Variants in PARD3 observed in about 807,000 individuals in gnomAD.
PARD3 encodes the protein partitioning defective 3 homolog.
A neutral mutation model predicts 155.4 loss-of-function variants in PARD3; 75 were observed. That is an observed-to-expected ratio of 0.48 (90% CI 0.40 to 0.58). PARD3 has a LOEUF of 0.58. Among genes scored for constraint, PARD3 ranks in the 20% least tolerant of loss-of-function variants. The probability of loss-of-function intolerance (pLI) is 0.00; values close to 1 mark genes in which losing one functional copy is unlikely to be tolerated. For missense variants in PARD3, 1,642 were observed against 1,721.7 expected, an observed-to-expected ratio of 0.95 and a Z score of 0.82; for synonymous variants, 576 against 610.5, an observed-to-expected ratio of 0.94 and a Z score of 0.83.
At chr10:34,783,540 C>T (rs1243988755) in intron 1 of PARD3, among the ~76,000 whole-genome samples, 1 of 137,872 alleles carries the variant, frequency 7.3e-6, no homozygotes, top group Admixed American at 8.3e-5. Flanking sequence ...GGAGGCGGAG[C>T]TTGCAGTGAG....
At chr10:34,667,953 A>T (rs1168402001) in intron 2 of PARD3, among the ~76,000 whole-genome samples, 1 of 152,222 alleles carries the variant, frequency 6.6e-6, no homozygotes, top group Non-Finnish European at 1.5e-5. Flanking sequence ...ATGTTCTTAA[A>T]CTAGGGGAAG....
chr10:34,740,998 C>G (rs770786305), intron 1 of PARD3, among the ~76,000 whole-genome samples: 3 of 151,988 alleles, frequency 2.0e-5, no homozygotes, highest in Non-Finnish European at 4.4e-5. Context: ...AATTTGTTTA[C>G]ATAAGACTTT....
At chr10:34,190,309 T>C (rs2133257991) in intron 22 of PARD3, among the ~76,000 whole-genome samples, 1 of 152,322 alleles carries the variant, frequency 6.6e-6, no homozygotes, top group Non-Finnish European at 1.5e-5. Context: ...CTTCCCTTCA[T>C]AAGCCAGACA....
chr10:34,788,670 G>A (rs546087271), intron 1 of PARD3, among the ~76,000 whole-genome samples: 72 of 152,206 alleles, frequency 4.7e-4, no homozygotes, highest in African/African-American at 1.6e-3. Flanking sequence ...GGACGGTCTC[G>A]ATCTCTTGTA....
chr10:34,678,562 C>T (rs577532453), intron 2 of PARD3, among the ~76,000 whole-genome samples: 30 of 152,008 alleles, frequency 2.0e-4, no homozygotes, highest in South Asian at 4.2e-4. Context: ...AGATTCCATA[C>T]GAGTAATAAG....
At chr10:34,114,930 T>C (rs1438127756) in intron 24 of PARD3, among the ~76,000 whole-genome samples, 1 of 152,214 alleles carries the variant, frequency 6.6e-6, no homozygotes, top group Non-Finnish European at 1.5e-5. Flanking sequence ...CCCCTGGACA[T>C]TGCTAAATCC....
chr10:34,327,285 C>T (rs764664115), intron 19 of PARD3, among the ~76,000 whole-genome samples: 6 of 152,158 alleles, frequency 3.9e-5, no homozygotes, highest in East Asian at 1.9e-4. Context: ...TCCAGACAGA[C>T]GCACACAACA....
chr10:34,280,262 A>T (rs1253656113), intron 21 of PARD3, among the ~76,000 whole-genome samples: 1 of 152,248 alleles, frequency 6.6e-6, no homozygotes, highest in Non-Finnish European at 1.5e-5. Context: ...ATGCATAAAA[A>T]TGCAAAATAA....
At chr10:34,375,053 AACACACACACACACACACACAC>A (rs35263377) in intron 10 of PARD3, 51 bp from the exon 11 acceptor site, 10 of 783,536 alleles carry the variant, frequency 1.3e-5, no homozygotes, top group African/African-American at 5.7e-5. Flanking sequence ...ACAACAGGAA[AACACACACACACACACACACAC>A]ACACACACAC....
At chr10:34,547,611 G>GT (rs1193514521) in intron 2 of PARD3, among the ~76,000 whole-genome samples, 2 of 152,182 alleles carry the variant, frequency 1.3e-5, no homozygotes, top group African/African-American at 4.8e-5. Flanking sequence ...GTAGTGGATA[G>GT]TAAGTACTTG....
At chr10:34,573,986 G>A (rs1400616503) in intron 2 of PARD3, among the ~76,000 whole-genome samples, 1 of 152,064 alleles carries the variant, frequency 6.6e-6, no homozygotes, top group Admixed American at 6.6e-5. Context: ...TTTATTATAA[G>A]TTATGCCCTT....
At chr10:34,440,040 A>G (rs1214026103) in intron 5 of PARD3, among the ~76,000 whole-genome samples, 1 of 152,204 alleles carries the variant, frequency 6.6e-6, no homozygotes, top group African/African-American at 2.4e-5. Context: ...CACCGGGCAA[A>G]ATGTTTGAAC....
At chr10:34,240,159 G>A (rs1454058835) in intron 22 of PARD3, among the ~76,000 whole-genome samples, 2 of 152,142 alleles carry the variant, frequency 1.3e-5, no homozygotes, top group Non-Finnish European at 2.9e-5. Context: ...CAACTTGATC[G>A]AGATAAATCC....
chr10:34,179,436 C>T (rs1950177001), intron 22 of PARD3, among the ~76,000 whole-genome samples: 1 of 152,196 alleles, frequency 6.6e-6, no homozygotes, highest in Non-Finnish European at 1.5e-5. Context: ...CTGAGTGTTT[C>T]AGTGGAGGAA....
At chr10:34,141,187 T>C (rs140255587) in intron 22 of PARD3, among the ~76,000 whole-genome samples, 1 of 152,326 alleles carries the variant, frequency 6.6e-6, no homozygotes, top group East Asian at 1.9e-4. Flanking sequence ...TGGCTATATT[T>C]ATATGTGTCT....
intron 2 of PARD3, among the ~76,000 whole-genome samples, chr10:34,679,216 A>C (rs2093765969): frequency 6.6e-6 from 1 of 152,168 alleles, no homozygotes; most frequent in Non-Finnish European, 1.5e-5. Flanking sequence ...GTAACCCCTC[A>C]ATGGACGGCA....
intron 1 of PARD3, among the ~76,000 whole-genome samples, chr10:34,710,894 G>A (rs1441940857): frequency 6.6e-6 from 1 of 152,064 alleles, no homozygotes; most frequent in Non-Finnish European, 1.5e-5. Context: ...CCATCCCCTT[G>A]GCCGGACACA....
intron 1 of PARD3, among the ~76,000 whole-genome samples, chr10:34,793,775 T>A (rs1164739176): frequency 7.9e-6 from 1 of 126,898 alleles, no homozygotes; most frequent in Non-Finnish European, 1.6e-5. Flanking sequence ...TGAAACTCCA[T>A]CTCAAAAAAA....
chr10:34,497,508 C>A (rs2080374927), intron 3 of PARD3, among the ~76,000 whole-genome samples: 1 of 152,136 alleles, frequency 6.6e-6, no homozygotes, highest in Admixed American at 6.5e-5. Flanking sequence ...GAGAGCTTTT[C>A]CCCACAATTA....
Sources: gnomAD v4.1 joint callset for allele counts (sites outside exome capture counted in the v4.1 genomes callset) on GRCh38, gnomAD v4.1.1 for gene constraint, MANE v1.5 for transcripts, NCBI Gene and HGNC (gene_info 2026-07-23, HGNC 2026-07-21) for gene names.